The following NUBPL variants were observed in gnomAD, a reference collection of about 807,000 sequenced individuals.
NUBPL encodes the protein iron-sulfur cluster transfer protein NUBPL.
In NUBPL, 31 loss-of-function variants were observed where a neutral mutation model predicts 45.7. That is an observed-to-expected ratio of 0.68 (90% CI 0.51 to 0.92). The LOEUF is 0.92. Ranked by LOEUF, NUBPL falls within the 40% of genes least tolerant of loss-of-function variation. The pLI is 0.00. For missense variants in NUBPL, 401 were observed against 398.7 expected (o/e 1.01, Z -0.05); for synonymous variants, 144 against 140.9 (o/e 1.02, Z -0.15).
chr14:31,583,726 C>T (rs2033923164), intron 3 of NUBPL, among the ~76,000 whole-genome samples: 1 of 152,088 alleles, frequency 6.6e-6, no homozygotes, highest in African/African-American at 2.4e-5. Context: ...TACTGGAGAT[C>T]AGGTTAGGCT....
At chr14:31,818,217 T>C (rs1463296734) in intron 7 of NUBPL, among the ~76,000 whole-genome samples, 1 of 152,150 alleles carries the variant, frequency 6.6e-6, no homozygotes, top group African/African-American at 2.4e-5. Flanking sequence ...TGGGAGACTT[T>C]AGCACCCCAC....
chr14:31,738,874 T>C (rs1343124596), intron 6 of NUBPL, among the ~76,000 whole-genome samples: 2 of 151,964 alleles, frequency 1.3e-5, no homozygotes, highest in East Asian at 1.9e-4. Flanking sequence ...AGGGAGAAAA[T>C]AGGGGAAAAG....
In NUBPL at chr14:31,818,559, C is replaced by CTTTTTTCTTTTTTTTT. The variant is rs1218136103; in HGVS notation, c.608-8065_608-8064insTCTTTTTTTTTTTTTT. On this transcript the variant is annotated intron_variant, in intron 7 of 10. Transcript: ENST00000281081. ...ACAGTTGATATAGTTTTCTTTTTTT[C>CTTTTTTCTTTTTTTTT]TTTTTGAGTTGGAGTCTCGCACTGT... Among the ~76,000 whole-genome samples, 1,501 of 151,076 alleles carry CTTTTTTCTTTTTTTTT rather than the reference C, an allele frequency of 9.9e-3. 24 individuals are homozygous for CTTTTTTCTTTTTTTTT. Among genetic ancestry groups the CTTTTTTCTTTTTTTTT allele is most frequent in the African/African-American group, 0.035 (1,429 of 41,114 alleles).
At chr14:31,638,930 C>T (rs958121158) in intron 4 of NUBPL, among the ~76,000 whole-genome samples, 3 of 152,218 alleles carry the variant, frequency 2.0e-5, no homozygotes, top group African/African-American at 4.8e-5. Flanking sequence ...TGGCTTTCAG[C>T]TCCATCAGCT....
chr14:31,826,374 G>T (rs918767570), intron 7 of NUBPL, among the ~76,000 whole-genome samples: 13 of 152,112 alleles, frequency 8.5e-5, no homozygotes, highest in Non-Finnish European at 1.9e-4. Context: ...GCCCACCTCG[G>T]CCTCCCAAAA....
chr14:31,609,494 C>T (rs755554421), intron 4 of NUBPL, among the ~76,000 whole-genome samples: 9 of 152,140 alleles, frequency 5.9e-5, no homozygotes, highest in Admixed American at 2.6e-4. Flanking sequence ...TTCAATACCC[C>T]ACTTGCAGCA....
chr14:31,619,275 C>G (rs146973934), intron 4 of NUBPL, among the ~76,000 whole-genome samples: 52 of 152,198 alleles, frequency 3.4e-4, no homozygotes, highest in African/African-American at 1.2e-3. Flanking sequence ...GGACATTTAG[C>G]CCATTTACAT....
At chr14:31,713,305 AG>A (rs1253066286) in intron 6 of NUBPL, among the ~76,000 whole-genome samples, 1 of 152,062 alleles carries the variant, frequency 6.6e-6, no homozygotes, top group Non-Finnish European at 1.5e-5. Flanking sequence ...ACCTTACCAT[AG>A]TTTTTCGTCT....
intron 4 of NUBPL, among the ~76,000 whole-genome samples, chr14:31,638,266 T>A (rs1274156353): frequency 6.6e-6 from 1 of 152,102 alleles, no homozygotes; most frequent in Non-Finnish European, 1.5e-5. Flanking sequence ...CTTCAGGAGC[T>A]CTTTTAGGGC....
intron 4 of NUBPL, among the ~76,000 whole-genome samples, chr14:31,663,360 T>C (rs1018557890): frequency 6.6e-6 from 1 of 152,244 alleles, no homozygotes; most frequent in Non-Finnish European, 1.5e-5. Flanking sequence ...TCTAGGGCTT[T>C]TATGGTTTTA....
intron 6 of NUBPL, among the ~76,000 whole-genome samples, chr14:31,682,018 A>G (rs553720176): frequency 9.2e-5 from 14 of 152,198 alleles, no homozygotes; most frequent in Admixed American, 3.3e-4. Flanking sequence ...TATTTTGGTT[A>G]ATGTTCTTTA....
At chr14:31,833,505 A>G (rs2138988924) in intron 8 of NUBPL, among the ~76,000 whole-genome samples, 1 of 152,322 alleles carries the variant, frequency 6.6e-6, no homozygotes, top group South Asian at 2.1e-4. Context: ...TGAGTCTAAA[A>G]TTCTGCATTA....
intron 9 of NUBPL, among the ~76,000 whole-genome samples, chr14:31,849,384 G>A (rs1234982909): frequency 6.6e-6 from 1 of 152,162 alleles, no homozygotes; most frequent in Non-Finnish European, 1.5e-5. Context: ...GACTTCATTT[G>A]TGATAGTGTG....
At chr14:31,834,393 A>T (rs199701556) in intron 8 of NUBPL, among the ~76,000 whole-genome samples, 1 of 151,906 alleles carries the variant, frequency 6.6e-6, no homozygotes, top group East Asian at 1.9e-4. Context: ...GTTAGCCAGG[A>T]TGGTCTCGAT....
chr14:31,698,680 T>C (rs1014170009), intron 6 of NUBPL, among the ~76,000 whole-genome samples: 1 of 152,178 alleles, frequency 6.6e-6, no homozygotes, highest in Non-Finnish European at 1.5e-5. Flanking sequence ...CTGCGAACAT[T>C]TACTTACTGA....
At chr14:31,625,158 C>G (rs1820385364) in intron 4 of NUBPL, among the ~76,000 whole-genome samples, 1 of 152,018 alleles carries the variant, frequency 6.6e-6, no homozygotes, top group Admixed American at 6.5e-5. Flanking sequence ...GAAAGAAGAC[C>G]AGGAAAGAAC....
At chr14:31,611,505 T>C (rs2034758017) in intron 4 of NUBPL, among the ~76,000 whole-genome samples, 1 of 152,180 alleles carries the variant, frequency 6.6e-6, no homozygotes, top group Non-Finnish European at 1.5e-5. Flanking sequence ...TTCAAAGCAA[T>C]CTACAGATTC....
chr14:31,680,984 A>G (rs1286745562), intron 6 of NUBPL, among the ~76,000 whole-genome samples: 6 of 152,220 alleles, frequency 3.9e-5, no homozygotes, highest in South Asian at 4.1e-4. Context: ...GACTTTTGCA[A>G]TAGTGTTTGT....
At position 31,859,934 on chromosome 14, in the gene NUBPL, G is replaced by A. The variant is rs2040685644; in HGVS notation, c.*754G>A. The A allele has an allele frequency of 6.6e-6, 1 of 152,228 alleles. No individual in the cohort carries two copies. The highest frequency in any genetic ancestry group is 2.4e-5 in the African/African-American group (1 of 41,420). The allele number at this position is 152,228 out of a possible 1,614,324, so 9.4% of individuals were successfully genotyped here. A position where few individuals can be genotyped will look rare whatever the true frequency, so the allele number is the denominator to read the frequency against. On this transcript the variant is annotated 3_prime_UTR_variant, in exon 11 of 11. Transcript: ENST00000281081. ...AGGGTTACTGTATCTAGCAGGTGAT[G>A]GAGCTTGGATTTGAACTTGAGTAAT... is the stretch of plus-strand genomic sequence containing the variant.
Sources: allele counts gnomAD v4.1 joint callset (sites outside exome capture counted in the v4.1 genomes callset), GRCh38; gene constraint gnomAD v4.1.1; transcripts MANE v1.5; gene names NCBI Gene and HGNC (gene_info 2026-07-23, HGNC 2026-07-21).